Variants in AP3S2 observed in about 807,000 individuals in gnomAD.
AP3S2 encodes adaptor related protein complex 3 subunit sigma 2, also known as AP-3 complex subunit sigma-2.
AP3S2 carries 22 observed loss-of-function variants against 23.4 expected under a neutral mutation model. The observed-to-expected ratio is 0.94, with a 90% CI of 0.67 to 1.34. AP3S2 has a LOEUF of 1.34. Ranked by LOEUF, AP3S2 falls within the 40% of genes most tolerant of loss-of-function variation. The pLI is 0.00. For missense variants in AP3S2, 241 were observed against 236.9 expected, an observed-to-expected ratio of 1.02 and a Z score of -0.11; for synonymous variants, 86 against 87.1, an observed-to-expected ratio of 0.99 and a Z score of 0.07.
chr15:89,885,052 G>A (rs1896663729), intron 3 of AP3S2, among the ~76,000 whole-genome samples: 1 of 152,154 alleles, frequency 6.6e-6, no homozygotes, highest in East Asian at 1.9e-4. Flanking sequence ...ATAACTTAAT[G>A]TAACATCCAG....
intron 5 of AP3S2, 33 bp downstream of exon 5, chr15:89,837,582 C>T (rs772403206): frequency 1.2e-6 from 2 of 1,613,492 alleles, no homozygotes; most frequent in Non-Finnish European, 8.5e-7. Context: ...TTTTCTCTAC[C>T]CAGCCAGGGC....
At chr15:89,845,907 TTTA>T (rs1895476288) in intron 4 of AP3S2, 1 of 152,206 alleles carries the variant, frequency 6.6e-6, no homozygotes, top group African/African-American at 2.4e-5. Context: ...CTCAGAAGTG[TTTA>T]TTAACAGAGT....
chr15:89,836,523 G>T (rs746470371), intron 5 of AP3S2, among the ~76,000 whole-genome samples: 3 of 152,142 alleles, frequency 2.0e-5, no homozygotes, highest in Admixed American at 6.5e-5. Context: ...GAGAAGGTGG[G>T]GGGTATCACA....
chr15:89,842,003 T>C (rs762585018), intron 4 of AP3S2, among the ~76,000 whole-genome samples: 2 of 151,964 alleles, frequency 1.3e-5, no homozygotes, highest in Admixed American at 6.6e-5. Context: ...GTTGTCTCTA[T>C]GAAATGAGAG....
intron 4 of AP3S2, among the ~76,000 whole-genome samples, chr15:89,843,322 G>A (rs1328258244): frequency 1.3e-5 from 2 of 151,040 alleles, no homozygotes; most frequent in Non-Finnish European, 3.0e-5. Flanking sequence ...AAGCACTTGT[G>A]CCAACTAACA....
At chr15:89,867,009 T>G (rs1420885468) in intron 4 of AP3S2, among the ~76,000 whole-genome samples, 2 of 12,158 alleles carry the variant, frequency 1.6e-4, no homozygotes, top group African/African-American at 6.2e-4. Flanking sequence ...CCTCTCCCCC[T>G]ACCCCTCCCC....
chr15:89,851,489 C>T (rs1185585477), intron 4 of AP3S2, among the ~76,000 whole-genome samples: 8 of 152,164 alleles, frequency 5.3e-5, no homozygotes, highest in South Asian at 2.1e-4. Flanking sequence ...CAGGCATGTG[C>T]CACCACGCCT....
chr15:89,875,841 C>T (rs1896430290), intron 3 of AP3S2, among the ~76,000 whole-genome samples: 1 of 151,474 alleles, frequency 6.6e-6, no homozygotes, highest in African/African-American at 2.4e-5. Context: ...TCCAGCTACT[C>T]GGGAGGCTGT....
At chr15:89,858,077 C>T (rs1895882862) in intron 4 of AP3S2, among the ~76,000 whole-genome samples, 1 of 152,086 alleles carries the variant, frequency 6.6e-6, no homozygotes, top group African/African-American at 2.4e-5. Flanking sequence ...TGGAGTAATG[C>T]ATTACCTAGC....
chr15:89,871,557 A>G lies in AP3S2; in HGVS notation c.274-11T>C. The G allele has an allele frequency of 3.1e-6, 5 of 1,612,408 alleles. No homozygotes were observed. Among genetic ancestry groups the G allele is most frequent in the Non-Finnish European group, 4.2e-6 (5 of 1,179,484 alleles). On this transcript the variant is annotated splice_polypyrimidine_tract_variant and intron_variant, in intron 3 of 5. Coordinates refer to ENST00000336418, the MANE Select transcript of AP3S2 (RefSeq NM_005829.5). The stretch of plus-strand genomic sequence containing the variant: ...AGTTTCCACAAAAACCTAGAAAACA[A>G]GGAGAAATAGATAAAGAAGAGAAAT...
chr15:89,855,499 T>G (rs1895805812), intron 4 of AP3S2, among the ~76,000 whole-genome samples: 2 of 125,414 alleles, frequency 1.6e-5, no homozygotes, highest in Admixed American at 8.9e-5. Context: ...TCCCCCTCTG[T>G]GAGAAACACC....
At chr15:89,845,602 T>C (rs989831240) in intron 4 of AP3S2, 1 of 152,110 alleles carries the variant, frequency 6.6e-6, no homozygotes, top group African/African-American at 2.4e-5. Flanking sequence ...ACAACAGAAG[T>C]TGGCTGATGC....
intron 1 of AP3S2, chr15:89,893,635 TCACAAAATGG>T: frequency 2.0e-6 from 1 of 506,178 alleles, no homozygotes; most frequent in Non-Finnish European, 3.5e-6. Flanking sequence ...CGGGAAAATG[TCACAAAATGG>T]CACAGAAATG....
intron 4 of AP3S2, among the ~76,000 whole-genome samples, chr15:89,856,346 C>G (rs1042146287): frequency 2.0e-5 from 3 of 151,776 alleles, no homozygotes; most frequent in Admixed American, 6.6e-5. Context: ...ATGGATCACT[C>G]GAGGTCAGGA....
At chr15:89,850,245 C>T (rs1895612791) in intron 4 of AP3S2, among the ~76,000 whole-genome samples, 1 of 152,106 alleles carries the variant, frequency 6.6e-6, no homozygotes, top group Non-Finnish European at 1.5e-5. Context: ...CATGGTTTTC[C>T]CTAGATGTCT....
intron 4 of AP3S2, among the ~76,000 whole-genome samples, chr15:89,862,896 G>GA (rs1005367899): frequency 6.6e-6 from 1 of 152,116 alleles, no homozygotes; most frequent in African/African-American, 2.4e-5. Context: ...GTGTGAGCAT[G>GA]AAAATTTTTT....
intron 4 of AP3S2, among the ~76,000 whole-genome samples, chr15:89,867,741 G>A (rs1429413595): frequency 1.2e-4 from 17 of 139,154 alleles, no homozygotes; most frequent in African/African-American, 4.3e-4. Context: ...CTGCCCGGCC[G>A]CCCTGTCTGA....
At position 89,834,910 on chromosome 15, in the gene AP3S2, A is replaced by C. The variant is rs1439727539; in HGVS notation, c.*605T>G. 2 of 152,168 alleles carry C rather than the reference A, an allele frequency of 1.3e-5. No individual in the cohort carries two copies. The highest frequency in any genetic ancestry group is 2.9e-5 in the Non-Finnish European group (2 of 68,158). 9.4% of individuals were successfully genotyped at this position (152,168 alleles called of 1,614,324 possible). On this transcript the variant is annotated 3_prime_UTR_variant, in exon 6 of 6. Transcript: ENST00000336418. Reference sequence around the variant, plus strand: ...GCAAGACTCCACCTCAAAAAAAAAAAACCACAAAAAAACACAAAAGGATTC... The same window carrying C: ...GCAAGACTCCACCTCAAAAAAAAAACACCACAAAAAAACACAAAAGGATTC...
At chr15:89,858,447 A>C (rs897670541) in intron 4 of AP3S2, among the ~76,000 whole-genome samples, 1 of 148,512 alleles carries the variant, frequency 6.7e-6, no homozygotes, top group Non-Finnish European at 1.5e-5. Context: ...ATCTCAAAAA[A>C]AGAAAGAAAA....
Sources: gnomAD v4.1 joint callset for allele counts (sites outside exome capture counted in the v4.1 genomes callset) on GRCh38, gnomAD v4.1.1 for gene constraint, MANE v1.5 for transcripts, NCBI Gene and HGNC (gene_info 2026-07-23, HGNC 2026-07-21) for gene names.